The following CDCA7L variants were observed in gnomAD, a reference collection of about 807,000 sequenced individuals.
CDCA7L encodes the protein cell division cycle-associated 7-like protein.
A neutral mutation model predicts 57.4 loss-of-function variants in CDCA7L; 44 were observed. That is an observed-to-expected ratio of 0.77 (90% CI 0.60 to 0.98). The LOEUF is 0.98. CDCA7L is among the 50% of genes least tolerant of loss of function. The probability of loss-of-function intolerance (pLI) is 0.00; values close to 1 mark genes in which losing one functional copy is unlikely to be tolerated. For synonymous variants in CDCA7L, 236 were observed against 202.8 expected (o/e 1.16, Z -1.39); for missense variants, 644 against 580.6 (o/e 1.11, Z -1.12).
At chr7:21,906,757 ATATAACCCACAACAGT>A in intron 4 of CDCA7L, 118 bp from the exon 5 acceptor site, 1 of 869,404 alleles carries the variant, frequency 1.2e-6, no homozygotes, top group Non-Finnish European at 1.9e-6. Context: ...TGAATAGTTT[ATATAACCCACAACAGT>A]TATACTTTTA....
rs1320072390 is a variant in CDCA7L at position 21,901,172 on chromosome 7, A to G, written c.*1150T>C. 1 of 1,611,478 alleles carries G rather than the reference A, an allele frequency of 6.2e-7. No homozygotes were observed. The highest frequency in any genetic ancestry group is 1.3e-5 in the African/African-American group (1 of 75,020). On this transcript the variant is annotated 3_prime_UTR_variant, in exon 10 of 10. Transcript: ENST00000406877. ...AGAACCAAACTGAGAGGCCCCAGCT[A>G]CATCTGGACCTTCAGGCTGAAGAGC...
intron 6 of CDCA7L, 142 bp downstream of exon 6, chr7:21,906,147 G>C (rs1785131243): frequency 1.3e-6 from 1 of 751,250 alleles, no homozygotes; most frequent in Non-Finnish European, 2.2e-6. Context: ...GGCATCACCT[G>C]GGAAGCAGAG....
chr7:21,930,594 G>C (rs1488801629), intron 1 of CDCA7L, among the ~76,000 whole-genome samples: 1 of 151,066 alleles, frequency 6.6e-6, no homozygotes, highest in Non-Finnish European at 1.5e-5. Context: ...CCACTTGGGA[G>C]GCTGAGGCAA....
intron 1 of CDCA7L, among the ~76,000 whole-genome samples, chr7:21,940,753 C>A (rs1786318099): frequency 6.6e-6 from 1 of 152,224 alleles, no homozygotes; most frequent in Non-Finnish European, 1.5e-5. Flanking sequence ...CTGCCTTCCG[C>A]CAAGTCAATG....
In CDCA7L at chr7:21,900,929, T is replaced by TGC. The variant is rs1052987859; in HGVS notation, c.*1391_*1392dup. The stretch of plus-strand genomic sequence containing the variant: ...CAAAACCAGAATGTTGAATGTTTAT[T>TGC]GCATCAAACAACTTACTTGATCATT... On this transcript the variant is annotated 3_prime_UTR_variant, in exon 10 of 10. Transcript: ENST00000406877. 8 of 1,395,480 alleles carry TGC rather than the reference T, an allele frequency of 5.7e-6. No homozygotes were observed. Among genetic ancestry groups the TGC allele is most frequent in the Non-Finnish European group, 6.6e-6 (7 of 1,067,414 alleles). The allele number at this position is 1,395,480 out of a possible 1,614,324, so 86.4% of individuals were successfully genotyped here.
chr7:21,920,626 G>A (rs528380686), intron 1 of CDCA7L, among the ~76,000 whole-genome samples: 11 of 152,298 alleles, frequency 7.2e-5, no homozygotes, highest in African/African-American at 2.6e-4. Flanking sequence ...TTTTTTACCA[G>A]CCACACGTAG....
At chr7:21,931,665 A>C (rs1786022017) in intron 1 of CDCA7L, among the ~76,000 whole-genome samples, 1 of 152,236 alleles carries the variant, frequency 6.6e-6, no homozygotes, top group Non-Finnish European at 1.5e-5. Flanking sequence ...ACCCACAGCC[A>C]ATATCATACT....
chr7:21,934,956 G>GC (rs1786120413), intron 1 of CDCA7L, among the ~76,000 whole-genome samples: 1 of 152,116 alleles, frequency 6.6e-6, no homozygotes, highest in Non-Finnish European at 1.5e-5. Flanking sequence ...AGACTGTTCT[G>GC]CAACAACAGA....
chr7:21,928,685 A>C (rs895289146), intron 1 of CDCA7L, among the ~76,000 whole-genome samples: 4 of 152,022 alleles, frequency 2.6e-5, no homozygotes, highest in African/African-American at 4.8e-5. Flanking sequence ...AAATCGATCA[A>C]GCAGAAGAAA....
At chr7:21,902,599 T>C in intron 9 of CDCA7L, 1 of 565,868 alleles carries the variant, frequency 1.8e-6, no homozygotes, top group Non-Finnish European at 3.2e-6. Flanking sequence ...AAATGAAACT[T>C]GTAACTCACA....
At chr7:21,929,450 T>A (rs1785933841) in intron 1 of CDCA7L, among the ~76,000 whole-genome samples, 1 of 151,912 alleles carries the variant, frequency 6.6e-6, no homozygotes, top group Non-Finnish European at 1.5e-5. Context: ...AATTCACACA[T>A]AACAATATTA....
At chr7:21,914,297 C>G (rs189402628) in intron 2 of CDCA7L, among the ~76,000 whole-genome samples, 1 of 152,080 alleles carries the variant, frequency 6.6e-6, no homozygotes, top group Non-Finnish European at 1.5e-5. Context: ...TACATGAGGA[C>G]GAAAAGTCAG....
Position 21,911,726 on chromosome 7 carries a change from A to C in CDCA7L, c.194T>G (p.Phe65Cys). The C allele has an allele frequency of 6.2e-7, 1 of 1,613,354 alleles. No homozygotes were observed. Among genetic ancestry groups the C allele is most frequent in the Non-Finnish European group, 8.5e-7 (1 of 1,179,864 alleles). Residue 65 changes from phenylalanine (F) to cysteine (C), a missense_variant, in exon 3 of 10, where the codon TTC becomes TGC. By Grantham distance (205) the Phe-to-Cys change is radical. Transcript: ENST00000406877. ...QQDVRFHSKYFTEELRRIFIE... is the reference protein window; with the variant it reads ...QQDVRFHSKYCTEELRRIFIE... ...AAAAATTCTTCTTAGCTCTTCTGTG[A>C]AGTATTTGGAATGAAAGCGCACATC...
intron 1 of CDCA7L, among the ~76,000 whole-genome samples, chr7:21,918,786 A>G (rs1785567195): frequency 6.6e-6 from 1 of 152,202 alleles, no homozygotes; most frequent in Admixed American, 6.5e-5. Context: ...TGTTTGGTCA[A>G]TAAGTTAAGG....
intron 1 of CDCA7L, among the ~76,000 whole-genome samples, chr7:21,945,336 T>C (rs1562641471): frequency 6.6e-6 from 1 of 151,752 alleles, no homozygotes; most frequent in Non-Finnish European, 1.5e-5. Flanking sequence ...ATTATCCAAG[T>C]TGGACTGGTC....
At chr7:21,939,769 C>T (rs1415582251) in intron 1 of CDCA7L, among the ~76,000 whole-genome samples, 5 of 152,042 alleles carry the variant, frequency 3.3e-5, no homozygotes, top group Admixed American at 3.3e-4. Context: ...ATTCCCCTCA[C>T]CCTCATCACT....
intron 7 of CDCA7L, among the ~76,000 whole-genome samples, chr7:21,904,870 G>A (rs1785088615): frequency 6.6e-6 from 1 of 152,216 alleles, no homozygotes; most frequent in African/African-American, 2.4e-5. Flanking sequence ...AGAGACCAGA[G>A]AAAAGCTTGA....
intron 1 of CDCA7L, among the ~76,000 whole-genome samples, chr7:21,925,481 G>C (rs889733513): frequency 1.3e-5 from 2 of 152,160 alleles, no homozygotes; most frequent in African/African-American, 2.4e-5. Flanking sequence ...AAATAGGGCA[G>C]TTAATTTTTA....
At chr7:21,903,316 CCTTTTAGGGCTCCTTG>C (rs748756222) in intron 8 of CDCA7L, among the ~76,000 whole-genome samples, 4 of 152,152 alleles carry the variant, frequency 2.6e-5, no homozygotes, top group Non-Finnish European at 4.4e-5. Context: ...AAAAATGACA[CCTTTTAGGGCTCCTTG>C]CTTAAAAATT....
Sources: allele counts gnomAD v4.1 joint callset (sites outside exome capture counted in the v4.1 genomes callset), GRCh38; gene constraint gnomAD v4.1.1; transcripts MANE v1.5; gene names NCBI Gene and HGNC (gene_info 2026-07-23, HGNC 2026-07-21).